FAT3: variants seen among roughly 807,000 people sequenced by gnomAD.
FAT3 encodes the protein protocadherin Fat 3.
Under a neutral mutation model 310.2 loss-of-function variants are expected in FAT3, and 95 were observed. The ratio of observed to expected loss-of-function variants is 0.31; its 90% CI spans 0.26 to 0.36. FAT3 has a LOEUF of 0.36. FAT3 is among the 10% of genes least tolerant of loss of function. The probability of loss-of-function intolerance (pLI) is 1.00; values close to 1 mark genes in which losing one functional copy is unlikely to be tolerated. For missense variants in FAT3, 5,408 were observed against 5,715.6 expected (o/e 0.95, Z 1.74); for synonymous variants, 2,314 against 2,192.9 (o/e 1.06, Z -1.54).
chr11:92,774,609 T>C (rs896907346), intron 7 of FAT3, among the ~76,000 whole-genome samples: 1 of 152,226 alleles, frequency 6.6e-6, no homozygotes, highest in Non-Finnish European at 1.5e-5. Flanking sequence ...TAGACTTAGA[T>C]AAGCTAAGTG....
At chr11:92,560,420 G>T (rs1955181416) in intron 3 of FAT3, among the ~76,000 whole-genome samples, 1 of 151,620 alleles carries the variant, frequency 6.6e-6, no homozygotes. Context: ...AGAACAATGG[G>T]TTTTCATTTT....
intron 2 of FAT3, among the ~76,000 whole-genome samples, chr11:92,509,703 T>A (rs538444691): frequency 6.6e-6 from 1 of 152,174 alleles, no homozygotes; most frequent in African/African-American, 2.4e-5. Context: ...AGATGTTCCA[T>A]GTACAATGGT....
intron 4 of FAT3, among the ~76,000 whole-genome samples, chr11:92,700,265 G>A (rs1449600579): frequency 6.6e-6 from 1 of 152,178 alleles, no homozygotes; most frequent in Non-Finnish European, 1.5e-5. Context: ...AGAGTGTAAA[G>A]GCAGAGTGGG....
intron 3 of FAT3, among the ~76,000 whole-genome samples, chr11:92,525,489 C>T (rs745307038): frequency 1.3e-5 from 2 of 152,118 alleles, no homozygotes; most frequent in Non-Finnish European, 2.9e-5. Context: ...TTGCTCAAAA[C>T]GTTTTTAGAG....
At position 92,353,459 on chromosome 11, in the gene FAT3, C is replaced by T. The variant is rs377196713; in HGVS notation, c.1347C>T (p.Asn449=). 1 of 1,613,348 alleles carries T rather than the reference C, an allele frequency of 6.2e-7. No homozygotes were observed. Among genetic ancestry groups the T allele is most frequent in the African/African-American group, 1.3e-5 (1 of 74,866 alleles). The change falls in exon 2 of 28, where the codon AAC becomes AAT. Residue 449 remains asparagine (N), a synonymous_variant. Coordinates refer to ENST00000525166, the MANE Select transcript of FAT3 (RefSeq NM_001367949.2). ...KKEVYKLEVT[N]KEGDLKAQVT... is the part of the protein sequence containing the mutation. ...AGGTTTATAAACTGGAGGTGACAAACAAGGAAGGAGATTTAAAAGCACAGG... is the reference window on the plus strand; with the variant it reads ...AGGTTTATAAACTGGAGGTGACAAATAAGGAAGGAGATTTAAAAGCACAGG...
chr11:92,558,662 A>C (rs1165913762), intron 3 of FAT3, among the ~76,000 whole-genome samples: 1 of 152,086 alleles, frequency 6.6e-6, no homozygotes, highest in Non-Finnish European at 1.5e-5. Flanking sequence ...ACAAGGACAA[A>C]ATTGTTTGTG....
At chr11:92,499,115 G>T (rs1952852141) in intron 2 of FAT3, among the ~76,000 whole-genome samples, 1 of 151,986 alleles carries the variant, frequency 6.6e-6, no homozygotes, top group South Asian at 2.1e-4. Context: ...ACCCTACCTT[G>T]TGCTGGGTGC....
intron 1 of FAT3, among the ~76,000 whole-genome samples, chr11:92,280,525 G>A (rs2608769): frequency 0.62 from 94,913 of 152,040 alleles, 30,269 homozygotes; most frequent in African/African-American, 0.75. Flanking sequence ...CTCCTGGATC[G>A]TTGCAGTAGC....
intron 2 of FAT3, among the ~76,000 whole-genome samples, chr11:92,521,278 A>T (rs1415959247): frequency 6.6e-6 from 1 of 152,232 alleles, no homozygotes; most frequent in South Asian, 2.1e-4. Flanking sequence ...TAGTGACCTT[A>T]CTTTGATGTT....
intron 12 of FAT3, among the ~76,000 whole-genome samples, chr11:92,809,491 A>G (rs1437639091): frequency 6.6e-6 from 1 of 152,230 alleles, no homozygotes; most frequent in Non-Finnish European, 1.5e-5. Flanking sequence ...TTTTCTGGAC[A>G]TATAGCAGAA....
chr11:92,793,616 G>T (rs890374118), intron 9 of FAT3, among the ~76,000 whole-genome samples: 15 of 152,162 alleles, frequency 9.9e-5, no homozygotes, highest in Admixed American at 2.0e-4. Flanking sequence ...AAGACTGATA[G>T]CTAGAAAGCT....
chr11:92,269,804 A>C (rs540589927), intron 1 of FAT3, among the ~76,000 whole-genome samples: 10 of 152,238 alleles, frequency 6.6e-5, no homozygotes, highest in Admixed American at 2.6e-4. Context: ...TCTTGACAGC[A>C]ATGTAGCCAC....
Position 92,883,242 on chromosome 11 carries a change from A to C in FAT3, c.12786A>C (p.Glu4262Asp). 1 of 1,612,992 alleles carries C rather than the reference A, an allele frequency of 6.2e-7. No individual in the cohort carries two copies. Among genetic ancestry groups the C allele is most frequent in the East Asian group, 2.2e-5 (1 of 44,854 alleles). The change falls in exon 24 of 28, where the codon GAA becomes GAC. Residue 4262 changes from glutamate (E) to aspartate (D), a missense_variant. By Grantham distance (45) the Glu-to-Asp change is conservative (BLOSUM62 2). This residue lies in a region of FAT3 where 649 missense variants were observed against 666.2 expected (regional missense o/e 0.97). Coordinates refer to ENST00000525166, the MANE Select transcript of FAT3 (RefSeq NM_001367949.2). This position sits in a 1 kb window ranked among gnomAD's most constrained non-coding sequence, Gnocchi z 4.2. ...IVDGLGGEHQEMTTFHPESPR... is the reference protein window; with the variant it reads ...IVDGLGGEHQDMTTFHPESPR... Reference sequence around the variant, plus strand: ...ACGGGCTGGGAGGCGAGCACCAGGAAATGACCACGTTTCACCCTGAGTCGC... The same window carrying C: ...ACGGGCTGGGAGGCGAGCACCAGGACATGACCACGTTTCACCCTGAGTCGC...
At position 92,493,900 on chromosome 11, in the gene FAT3, C is replaced by T. The variant is rs7943145; in HGVS notation, c.3293-30734C>T. On this transcript the variant is annotated intron_variant, in intron 2 of 27. Transcript: ENST00000525166. ...AGATACAGGAGTTTCTGAGGCTGAACAGGAATCAGCAGTGGGCTGCAAGAA... is the reference window on the plus strand; with the variant it reads ...AGATACAGGAGTTTCTGAGGCTGAATAGGAATCAGCAGTGGGCTGCAAGAA... 2.4e-3 allele frequency among the ~76,000 whole-genome samples: 367 copies of T among 152,142 alleles called. 3 individuals are homozygous for T. The highest frequency in any genetic ancestry group is 8.3e-3 in the African/African-American group (344 of 41,522).
chr11:92,758,805 C>T lies in FAT3; in HGVS notation c.3670-3051C>T, dbSNP rs778659449. Among the ~76,000 whole-genome samples the T allele has an allele frequency of 9.9e-5, 15 of 152,174 alleles. 1 individual carries two copies. The highest frequency in any genetic ancestry group is 6.2e-4 in the South Asian group (3 of 4,810). Reference sequence around the variant, plus strand: ...TGGGGTGAGGGGTGTGTGTGAGATACCTGTTGGTCCCCAAGTTCAATTGGA... The same window carrying T: ...TGGGGTGAGGGGTGTGTGTGAGATATCTGTTGGTCCCCAAGTTCAATTGGA... On this transcript the variant is annotated intron_variant, in intron 4 of 27. Transcript: ENST00000525166.
At chr11:92,297,046 C>T (rs1002170958) in intron 1 of FAT3, among the ~76,000 whole-genome samples, 1 of 152,110 alleles carries the variant, frequency 6.6e-6, no homozygotes, top group Non-Finnish European at 1.5e-5. Flanking sequence ...CTACCTTACA[C>T]TCTAGTAACA....
chr11:92,341,776 GCTGCCTGAAATA>G (rs1423617956), intron 1 of FAT3, among the ~76,000 whole-genome samples: 2 of 152,008 alleles, frequency 1.3e-5, no homozygotes, highest in Non-Finnish European at 2.9e-5. Flanking sequence ...CATTCAGATT[GCTGCCTGAAATA>G]CTATTTTAGA....
chr11:92,491,416 G>A (rs1952594213), intron 2 of FAT3, among the ~76,000 whole-genome samples: 1 of 152,002 alleles, frequency 6.6e-6, no homozygotes, highest in Admixed American at 6.6e-5. Context: ...TATTAATAGT[G>A]CTCAGCTGAG....
chr11:92,279,978 T>C (rs1263444367), intron 1 of FAT3, among the ~76,000 whole-genome samples: 1 of 152,156 alleles, frequency 6.6e-6, no homozygotes, highest in African/African-American at 2.4e-5. Flanking sequence ...CTCTATTGAA[T>C]CATTATTAAT....
Sources: allele counts gnomAD v4.1 joint callset (sites outside exome capture counted in the v4.1 genomes callset), GRCh38; gene constraint gnomAD v4.1.1; regional missense constraint gnomAD v4.1.1; non-coding constraint Gnocchi (gnomAD v3.1); transcripts MANE v1.5; gene names NCBI Gene and HGNC (gene_info 2026-07-23, HGNC 2026-07-21).